FBXL7: variants seen among roughly 807,000 people sequenced by gnomAD.
The protein encoded by FBXL7 is F-box/LRR-repeat protein 7.
A neutral mutation model predicts 38.3 loss-of-function variants in FBXL7; 12 were observed. That is an observed-to-expected ratio of 0.31 (90% CI 0.20 to 0.51). The LOEUF (loss-of-function observed/expected upper bound fraction) is 0.51. Ranked by LOEUF, FBXL7 falls within the 20% of genes least tolerant of loss-of-function variation. The probability of loss-of-function intolerance (pLI) is 0.98; values close to 1 mark genes in which losing one functional copy is unlikely to be tolerated. For missense variants in FBXL7, 567 were observed against 676.4 expected, an observed-to-expected ratio of 0.84 and a Z score of 1.79; for synonymous variants, 297 against 300.9, an observed-to-expected ratio of 0.99 and a Z score of 0.13.
Position 15,543,357 on chromosome 5 carries a change from G to A in FBXL7, c.37+42644G>A, listed in dbSNP as rs375198621. Among the ~76,000 whole-genome samples, 72 of 152,266 alleles carry A rather than the reference G, an allele frequency of 4.7e-4. No homozygotes were observed. The East Asian group carries it at 0.011, about 24-fold the overall frequency. ...TACTCACTACTACCAGAATGGTATG[G>A]GGGAAACCACCCCATGATTCAATTG... On this transcript the variant is annotated intron_variant, in intron 1 of 3. Coordinates refer to ENST00000504595, the MANE Select transcript of FBXL7 (RefSeq NM_012304.5).
intron 2 of FBXL7, among the ~76,000 whole-genome samples, chr5:15,808,410 A>C (rs990751777): frequency 2.6e-5 from 4 of 152,084 alleles, no homozygotes; most frequent in African/African-American, 9.7e-5. Flanking sequence ...TGGACTTGCG[A>C]TAGCCAATGA....
chr5:15,672,475 A>G (rs555670845), intron 2 of FBXL7, among the ~76,000 whole-genome samples: 1 of 152,096 alleles, frequency 6.6e-6, no homozygotes, highest in African/African-American at 2.4e-5. Flanking sequence ...CTGTTTTCAT[A>G]GATTTTATGC....
At chr5:15,728,125 G>C (rs1486889476) in intron 2 of FBXL7, among the ~76,000 whole-genome samples, 1 of 151,724 alleles carries the variant, frequency 6.6e-6, no homozygotes, top group Non-Finnish European at 1.5e-5. Context: ...TCACTCTTTG[G>C]AATTTCTCCC....
chr5:15,921,654 C>T (rs1234470723), intron 2 of FBXL7, among the ~76,000 whole-genome samples: 1 of 152,074 alleles, frequency 6.6e-6, no homozygotes, highest in Non-Finnish European at 1.5e-5. Flanking sequence ...AGCAAGAAAA[C>T]ATATAATCCA....
chr5:15,763,964 C>T (rs990100603), intron 2 of FBXL7, among the ~76,000 whole-genome samples: 9 of 152,158 alleles, frequency 5.9e-5, no homozygotes, highest in African/African-American at 2.2e-4. Context: ...GATGGCATAA[C>T]TTTTAGCCTA....
intron 2 of FBXL7, among the ~76,000 whole-genome samples, chr5:15,796,777 A>G (rs1293805839): frequency 6.6e-6 from 1 of 152,172 alleles, no homozygotes; most frequent in African/African-American, 2.4e-5. Flanking sequence ...AATAAGGATT[A>G]CAGAATTCCT....
chr5:15,932,480 C>T (rs764760657), intron 3 of FBXL7, among the ~76,000 whole-genome samples: 8 of 152,134 alleles, frequency 5.3e-5, no homozygotes, highest in Non-Finnish European at 7.4e-5. Flanking sequence ...GAAGAAACGC[C>T]GCAGATTTAT....
rs577801590 is a variant in FBXL7 at position 15,669,046 on chromosome 5, C to T, written c.127+52974C>T. On this transcript the variant is annotated intron_variant, in intron 2 of 3. Coordinates refer to ENST00000504595, the MANE Select transcript of FBXL7 (RefSeq NM_012304.5). ...TCTGCTGCTGCTGCTGCTGTTAGTA[C>T]TCCTGTGTCACACATTGTACAGTGA... is the stretch of plus-strand genomic sequence containing the variant. Among the ~76,000 whole-genome samples the T allele has an allele frequency of 2.0e-5, 3 of 152,226 alleles. No individual in the cohort carries two copies. In the South Asian group the frequency reaches 6.2e-4, roughly 32 times the overall value.
At chr5:15,566,383 G>T (rs1275167391) in intron 1 of FBXL7, among the ~76,000 whole-genome samples, 1 of 152,104 alleles carries the variant, frequency 6.6e-6, no homozygotes, top group Non-Finnish European at 1.5e-5. Flanking sequence ...GTCTTCTTCT[G>T]TTTTATTTAG....
At position 15,698,283 on chromosome 5, in the gene FBXL7, C is replaced by A. The variant is rs539789079; in HGVS notation, c.127+82211C>A. On this transcript the variant is annotated intron_variant, in intron 2 of 3. Coordinates refer to ENST00000504595, the MANE Select transcript of FBXL7 (RefSeq NM_012304.5). ...GTACACATCCCATCCCAGTAGCCAT[C>A]ACCTAACATAAGTCACGTATCTTTA... Among the ~76,000 whole-genome samples, 13 of 152,260 alleles carry A rather than the reference C, an allele frequency of 8.5e-5. No homozygotes were observed. The East Asian group carries it at 2.3e-3, about 27-fold the overall frequency.
intron 1 of FBXL7, among the ~76,000 whole-genome samples, chr5:15,538,915 G>C (rs1054446791): frequency 2.0e-5 from 3 of 152,194 alleles, no homozygotes. Context: ...GCATCTATTA[G>C]AGGAGCCTGT....
chr5:15,918,273 G>A (rs530098386), intron 2 of FBXL7, among the ~76,000 whole-genome samples: 31 of 152,076 alleles, frequency 2.0e-4, no homozygotes, highest in East Asian at 1.2e-3. Context: ...GTCCTTCTGC[G>A]ATTTAAGGAA....
chr5:15,612,534 G>A (rs568739620), intron 1 of FBXL7, among the ~76,000 whole-genome samples: 10 of 152,132 alleles, frequency 6.6e-5, no homozygotes, highest in East Asian at 1.9e-4. Flanking sequence ...GTTTTATTTT[G>A]TGCTTTCATT....
At chr5:15,645,943 C>T (rs1274727517) in intron 2 of FBXL7, among the ~76,000 whole-genome samples, 7 of 152,118 alleles carry the variant, frequency 4.6e-5, no homozygotes, top group Admixed American at 2.6e-4. Context: ...CAATCATGTG[C>T]GGCCAGTTGC....
At chr5:15,553,092 A>C (rs1261939128) in intron 1 of FBXL7, among the ~76,000 whole-genome samples, 1 of 110,798 alleles carries the variant, frequency 9.0e-6, no homozygotes, top group Non-Finnish European at 2.2e-5. Flanking sequence ...AAAAAAAAAA[A>C]CAAAAAAAAA....
chr5:15,532,491 T>C lies in FBXL7; in HGVS notation c.37+31778T>C, dbSNP rs2126393549. ...GTATTCTGATGGACAAATTATTGTCTGTATTCATCAGATTATTTCCTTGGC... is the reference window on the plus strand; with the variant it reads ...GTATTCTGATGGACAAATTATTGTCCGTATTCATCAGATTATTTCCTTGGC... On this transcript the variant is annotated intron_variant, in intron 1 of 3. Coordinates refer to ENST00000504595, the MANE Select transcript of FBXL7 (RefSeq NM_012304.5). 1.3e-5 allele frequency among the ~76,000 whole-genome samples: 2 copies of C among 152,350 alleles called. 1 individual carries two copies. Among genetic ancestry groups the C allele is most frequent in the Non-Finnish European group, 2.9e-5 (2 of 68,030 alleles).
intron 2 of FBXL7, among the ~76,000 whole-genome samples, chr5:15,766,489 C>G (rs1166886193): frequency 1.3e-5 from 2 of 152,210 alleles, no homozygotes; most frequent in Non-Finnish European, 2.9e-5. Context: ...CTGTGTTTAT[C>G]TGAGCTTCAT....
At chr5:15,724,972 A>T (rs1179049027) in intron 2 of FBXL7, among the ~76,000 whole-genome samples, 2 of 152,170 alleles carry the variant, frequency 1.3e-5, no homozygotes, top group African/African-American at 4.8e-5. Context: ...TGTTCCAATA[A>T]AACATTATTT....
At chr5:15,551,221 G>T (rs1738057669) in intron 1 of FBXL7, among the ~76,000 whole-genome samples, 1 of 152,142 alleles carries the variant, frequency 6.6e-6, no homozygotes, top group Non-Finnish European at 1.5e-5. Context: ...ATGGGTTTGT[G>T]TTCTTTACAT....
Sources: gnomAD v4.1 joint callset for allele counts (sites outside exome capture counted in the v4.1 genomes callset) on GRCh38, gnomAD v4.1.1 for gene constraint, MANE v1.5 for transcripts, NCBI Gene and HGNC (gene_info 2026-07-23, HGNC 2026-07-21) for gene names.